Variants in REST observed in about 807,000 individuals in gnomAD.
The protein encoded by REST is RE1 silencing transcription factor.
Under a neutral mutation model 30.4 loss-of-function variants are expected in REST, and 1 was observed. That is an observed-to-expected ratio of 0.03 (90% CI 0.01 to 0.16). The LOEUF (loss-of-function observed/expected upper bound fraction) is 0.16, where lower values mean the gene tolerates loss of function less well. REST is among the 10% of genes least tolerant of loss of function. The pLI is 1.00. For missense variants in REST, 1,259 were observed against 1,329.5 expected (o/e 0.95, Z 0.82); for synonymous variants, 504 against 451.1 (o/e 1.12, Z -1.49).
chr4:56,909,557 C>G (rs1719802238), intron 1 of REST: 1 of 152,254 alleles, frequency 6.6e-6, no homozygotes, highest in Non-Finnish European at 1.5e-5. Flanking sequence ...CCTCTGTTTT[C>G]TGTGATGGCA....
At chr4:56,909,466 GGT>G (rs1719795460) in intron 1 of REST, 1 of 152,234 alleles carries the variant, frequency 6.6e-6, no homozygotes, top group African/African-American at 2.4e-5. Context: ...GGCAGTTAGG[GGT>G]TAGGGAGCAA....
chr4:56,925,735 T>G (rs958471821), intron 3 of REST, among the ~76,000 whole-genome samples: 2 of 152,172 alleles, frequency 1.3e-5, no homozygotes, highest in African/African-American at 4.8e-5. Context: ...AAAATCTTGA[T>G]GAATATATTT....
intron 3 of REST, among the ~76,000 whole-genome samples, chr4:56,928,849 A>G (rs1295956857): frequency 1.3e-5 from 2 of 151,262 alleles, no homozygotes; most frequent in Non-Finnish European, 2.9e-5. Context: ...TTGGCCTCCC[A>G]AAGTGCTGGG....
In REST at chr4:56,933,842, C is replaced by T. The variant is rs1429763919; in HGVS notation, c.*1690C>T. The T allele has an allele frequency of 6.6e-6, 1 of 152,132 alleles. No individual in the cohort carries two copies. Among genetic ancestry groups the T allele is most frequent in the Non-Finnish European group, 1.5e-5 (1 of 68,038 alleles). 9.4% of individuals were successfully genotyped at this position (152,132 alleles called of 1,614,324 possible). On this transcript the variant is annotated 3_prime_UTR_variant, in exon 4 of 4. Transcript: ENST00000309042. ...CTCCCATACTCCGTTTTGAAATAAC[C>T]ACTTTATATTTCATTTTTTAAAAAT...
In REST at chr4:56,930,312, T is replaced by C. The variant is rs757792826; in HGVS notation, c.1454T>C (p.Val485Ala). ...AAAAAGCCTTCTAATAATGTGTCAG[T>C]GATCCAGGTGACTACCAGAACTCGA... ...KEKKPSNNVS[V>A]IQVTTRTRKS... The change falls in exon 4 of 4, where the codon GTG (valine) becomes GCG (alanine). Residue 485 changes from valine (V) to alanine (A), a missense_variant. Physicochemically the swap from Val to Ala is moderately conservative, Grantham distance 64. This residue lies in a region of REST where 856 missense variants were observed against 772.8 expected (regional missense o/e 1.11). Transcript: ENST00000309042. 1.4e-5 allele frequency: 23 copies of C among 1,614,054 alleles called. 1 individual carries two copies. The South Asian group carries it at 2.4e-4, about 17-fold the overall frequency.
In REST at chr4:56,919,792, C is replaced by T; in HGVS notation, c.904C>T (p.Arg302Cys). The change falls in exon 3 of 4, where the codon CGC becomes TGC. Residue 302 changes from arginine (R) to cysteine (C), a missense_variant. By Grantham distance (180) the Arg-to-Cys change is radical. Around this residue, in one of 5 missense-constraint regions of REST, gnomAD observed 125 missense variants for 255.4 expected, o/e 0.49. Coordinates refer to ENST00000309042, the MANE Select transcript of REST (RefSeq NM_005612.5). The part of the protein sequence containing the change: ...VQHVRTHTGE[R>C]PYKCELCPYS... ...ATATTATTGAAATTTTGCAGGAGAA[C>T]GCCCATATAAATGTGAACTTTGTCC... 1.3e-6 allele frequency: 2 copies of T among 1,599,644 alleles called. No homozygotes were observed. Among genetic ancestry groups the T allele is most frequent in the Non-Finnish European group, 8.6e-7 (1 of 1,169,344 alleles).
intron 3 of REST, among the ~76,000 whole-genome samples, chr4:56,929,504 T>A (rs377044370): frequency 1.0e-5 from 1 of 99,660 alleles, no homozygotes; most frequent in African/African-American, 2.7e-5. Context: ...ACAAAAAAAT[T>A]TTTAAGTTGA....
intron 3 of REST, among the ~76,000 whole-genome samples, chr4:56,928,160 T>C (rs1026159397): frequency 6.6e-6 from 1 of 152,220 alleles, no homozygotes; most frequent in Non-Finnish European, 1.5e-5. Context: ...CAGGCTGTAG[T>C]GCAGTGGTGC....
intron 3 of REST, among the ~76,000 whole-genome samples, chr4:56,923,838 C>G (rs544475926): frequency 1.2e-4 from 18 of 152,270 alleles, no homozygotes. Context: ...TCTCCTGCCT[C>G]AGCCTCCCTA....
intron 1 of REST, among the ~76,000 whole-genome samples, chr4:56,910,325 C>T (rs953842664): frequency 6.6e-6 from 1 of 152,072 alleles, no homozygotes; most frequent in Admixed American, 6.6e-5. Flanking sequence ...TTTATCCCCA[C>T]CAGAACAATT....
rs757849649 is a variant in REST at position 56,931,083 on chromosome 4, A to G, written c.2225A>G (p.Lys742Arg). 2.9e-5 allele frequency: 40 copies of G among 1,384,986 alleles called. No homozygotes were observed. The highest frequency in any genetic ancestry group is 6.4e-5 in the African/African-American group (4 of 62,570). 85.8% of individuals were successfully genotyped at this position (1,384,986 alleles called of 1,614,324 possible). ...ELSPPMEVVQKEPVQIELSPP... is the reference protein window; with the variant it reads ...ELSPPMEVVQREPVQIELSPP... ...TCTCCTCCCATGGAGGTGGTCCAGA[A>G]GGAGCCTGTTCAGATAGAGCTGTCT... The change falls in exon 4 of 4, where the codon AAG (lysine) becomes AGG (arginine). Residue 742 changes from lysine to arginine, a missense_variant. Coordinates refer to ENST00000309042, the MANE Select transcript of REST (RefSeq NM_005612.5).
At chr4:56,928,539 C>T (rs2109568916) in intron 3 of REST, among the ~76,000 whole-genome samples, 1 of 151,964 alleles carries the variant, frequency 6.6e-6, no homozygotes, top group South Asian at 2.1e-4. Context: ...CCTTTGCCTC[C>T]CAAGTAGCTG....
chr4:56,928,417 T>C (rs1173147716), intron 3 of REST, among the ~76,000 whole-genome samples: 1 of 151,810 alleles, frequency 6.6e-6, no homozygotes, highest in Non-Finnish European at 1.5e-5. Context: ...GGGAATTTTA[T>C]TTATTGATGT....
Position 56,931,145 on chromosome 4 carries a change from A to G in REST, c.2287A>G (p.Ile763Val), listed in dbSNP as rs555145007. The G allele has an allele frequency of 6.0e-5, 96 of 1,607,966 alleles. No homozygotes were observed. In the East Asian group the frequency reaches 1.9e-3, roughly 33 times the overall value. ...MEVVQKEPVK[I>V]ELSPPIEVVQ... ...GGTGGTCCAGAAGGAACCTGTTAAG[A>G]TAGAGCTGTCTCCTCCCATAGAGGT... The change falls in exon 4 of 4, where the codon ATA becomes GTA. Residue 763 changes from isoleucine to valine, a missense_variant. This residue lies in a region of REST where 856 missense variants were observed against 772.8 expected (regional missense o/e 1.11). Transcript: ENST00000309042.
chr4:56,909,236 G>A (rs1560440980), intron 1 of REST: 1 of 152,486 alleles, frequency 6.6e-6, no homozygotes, highest in East Asian at 1.9e-4. Context: ...TGTGTGCAGT[G>A]AGCGGGCCGA....
rs1422007033 is a variant in REST, at chr4:56,933,699, T to G, written c.*1547T>G. ...TGTACTCCAAAACATTTTTGTAGGT[T>G]CTTTGGCCAGTTGCCAAAGAGTGTG... On this transcript the variant is annotated 3_prime_UTR_variant, in exon 4 of 4. Transcript: ENST00000309042. 6.6e-6 allele frequency: 1 copy of G among 152,222 alleles called. No individual in the cohort carries two copies. Among genetic ancestry groups the G allele is most frequent in the Non-Finnish European group, 1.5e-5 (1 of 68,036 alleles). The allele number at this position is 152,222 out of a possible 1,614,324, so 9.4% of individuals were successfully genotyped here.
rs138551777 is a variant in REST, at chr4:56,921,163, C to T, written c.982+1293C>T. Among the ~76,000 whole-genome samples, 579 of 152,100 alleles carry T rather than the reference C, an allele frequency of 3.8e-3. 8 individuals are homozygous for T. Among genetic ancestry groups the T allele is most frequent in the Admixed American group, 0.011 (164 of 15,248 alleles). On this transcript the variant is annotated intron_variant, in intron 3 of 3. Transcript: ENST00000309042. Reference sequence around the variant, plus strand: ...ACAGTCATGAGCCACCATGCCTGGCCGAACTACCACTTCTAATTAGAATAC... The same window carrying T: ...ACAGTCATGAGCCACCATGCCTGGCTGAACTACCACTTCTAATTAGAATAC...
At position 56,929,849 on chromosome 4, in the gene REST, C is replaced by T; in HGVS notation, c.991C>T (p.Pro331Ser). 1 of 1,590,894 alleles carries T rather than the reference C, an allele frequency of 6.3e-7. No homozygotes were observed. Among genetic ancestry groups the T allele is most frequent in the Non-Finnish European group, 8.6e-7 (1 of 1,169,416 alleles). ...TTTTGATTTGCCTTCAGGTGAGAAGCCATTTAAATGTGATCAGTGCAGTTA... is the reference window on the plus strand; with the variant it reads ...TTTTGATTTGCCTTCAGGTGAGAAGTCATTTAAATGTGATCAGTGCAGTTA... Reference protein sequence around the residue: ...RHMRTHSGEKPFKCDQCSYVA... With the variant: ...RHMRTHSGEKSFKCDQCSYVA... The change falls in exon 4 of 4, where the codon CCA (proline) becomes TCA (serine). Residue 331 changes from proline (P) to serine (S), a missense_variant. This residue lies in a region of REST where 125 missense variants were observed against 255.4 expected (regional missense o/e 0.49). Coordinates refer to ENST00000309042, the MANE Select transcript of REST (RefSeq NM_005612.5).
Position 56,911,047 on chromosome 4 carries a change from A to G in REST, c.409A>G (p.Asn137Asp). The change falls in exon 2 of 4, where the codon AAT (asparagine) becomes GAT (aspartate). Residue 137 changes from asparagine (N) to aspartate (D), a missense_variant. By Grantham distance (23) the Asn-to-Asp change is conservative. Coordinates refer to ENST00000309042, the MANE Select transcript of REST (RefSeq NM_005612.5). The stretch of plus-strand genomic sequence containing the variant: ...AGGTGCTCCAGATATTTACAGTTCA[A>G]ATAAAGATCTTCCCCCTGAAACACC... ...ASGAPDIYSSNKDLPPETPGA... is the reference protein window; with the variant it reads ...ASGAPDIYSSDKDLPPETPGA... 1 of 1,614,116 alleles carries G rather than the reference A, an allele frequency of 6.2e-7. No homozygotes were observed. The highest frequency in any genetic ancestry group is 8.5e-7 in the Non-Finnish European group (1 of 1,180,002).
Sources: gnomAD v4.1 joint callset for allele counts (sites outside exome capture counted in the v4.1 genomes callset) on GRCh38, gnomAD v4.1.1 for gene constraint, gnomAD v4.1.1 regional missense constraint, MANE v1.5 for transcripts, NCBI Gene and HGNC (gene_info 2026-07-23, HGNC 2026-07-21) for gene names.